Variants in CD40 observed in about 807,000 individuals in gnomAD.
CD40 encodes the protein CD40 molecule.
In CD40, 19 loss-of-function variants were observed where a neutral mutation model predicts 38.5. The observed-to-expected ratio is 0.49, with a 90% CI of 0.34 to 0.72. The LOEUF (loss-of-function observed/expected upper bound fraction) is 0.72. Among genes scored for constraint, CD40 ranks in the 30% least tolerant of loss-of-function variants. The pLI is 0.01. For synonymous variants in CD40, 130 were observed against 128.7 expected (o/e 1.01, Z -0.07); for missense variants, 256 against 344.1 (o/e 0.74, Z 2.03).
chr20:46,128,720 G>A (rs556006162), intron 8 of CD40, 162 bp from the exon 9 acceptor site: 5 of 738,570 alleles, frequency 6.8e-6, no homozygotes, highest in African/African-American at 1.7e-5. Context: ...GTCGCCCTTG[G>A]TGTGGCCAGC....
At chr20:46,120,117 A>T (rs1190024687) in intron 1 of CD40, among the ~76,000 whole-genome samples, 1 of 152,150 alleles carries the variant, frequency 6.6e-6, no homozygotes, top group East Asian at 1.9e-4. Flanking sequence ...CCCAGGTTGA[A>T]TGAGAGCCAC....
intron 6 of CD40, 60 bp from the exon 7 acceptor site, chr20:46,128,078 G>C: frequency 6.2e-7 from 1 of 1,613,996 alleles, no homozygotes; most frequent in South Asian, 1.1e-5. Context: ...AGTCACAGCA[G>C]GTTGAGGGTA....
chr20:46,128,298 CCCA>C, intron 7 of CD40, 29 bp from the exon 8 acceptor site: 1 of 1,588,892 alleles, frequency 6.3e-7, no homozygotes, highest in Non-Finnish European at 8.6e-7. Context: ...TCTCCAACTC[CCCA>C]TCCTTTTTTT....
At position 46,118,330 on chromosome 20, in the gene CD40, G is replaced by A. The variant is rs1414770116; in HGVS notation, c.-14G>A. 1 of 1,613,384 alleles carries A rather than the reference G, an allele frequency of 6.2e-7. No homozygotes were observed. Among genetic ancestry groups the A allele is most frequent in the East Asian group, 2.2e-5 (1 of 44,876 alleles). On this transcript the variant is annotated 5_prime_UTR_variant, in exon 1 of 9. Coordinates refer to ENST00000372285, the MANE Select transcript of CD40 (RefSeq NM_001250.6). ...CGGGCGCCCAGTGGTCCTGCCGCCTGGTCTCACCTCGCTATGGTTCGTCTG... is the reference window on the plus strand; with the variant it reads ...CGGGCGCCCAGTGGTCCTGCCGCCTAGTCTCACCTCGCTATGGTTCGTCTG...
intron 6 of CD40, chr20:46,127,112 T>C (rs992485640): frequency 4.5e-6 from 1 of 223,504 alleles, no homozygotes; most frequent in Admixed American, 5.1e-5. Context: ...TATGCACATG[T>C]ACCCTAAAGC....
intron 6 of CD40, 179 bp from the exon 7 acceptor site, chr20:46,127,959 A>G (rs2085469105): frequency 1.7e-6 from 2 of 1,203,334 alleles, no homozygotes; most frequent in South Asian, 1.5e-5. Context: ...CGTTAAGAAA[A>G]TGTTCTGGCT....
chr20:46,124,375 A>C (rs1034553274), intron 5 of CD40, among the ~76,000 whole-genome samples: 2 of 152,206 alleles, frequency 1.3e-5, no homozygotes, highest in Non-Finnish European at 2.9e-5. Flanking sequence ...ATGGGACAGA[A>C]GGCACAAAAG....
chr20:46,127,425 C>T (rs968216859), intron 6 of CD40: 1 of 156,926 alleles, frequency 6.4e-6, no homozygotes, highest in Non-Finnish European at 1.4e-5. Context: ...ACTCACCTCA[C>T]CCTAATCCTG....
In CD40 at chr20:46,118,393, C is replaced by T; in HGVS notation, c.50C>T (p.Ala17Val). ...GTCCTCTGGGGCTGCTTGCTGACCG[C>T]TGTGAGTTGTTTTTGCCCCGACCAG... ...QCVLWGCLLT[A>V]VHPEPPTACR... is the part of the protein sequence containing the mutation. The change falls in exon 1 of 9, where the codon GCT (alanine) becomes GTT (valine). Residue 17 changes from alanine to valine, a missense_variant and splice_region_variant. Physicochemically the swap from Ala to Val is moderately conservative, Grantham distance 64. Transcript: ENST00000372285. 6.2e-7 allele frequency: 1 copy of T among 1,613,538 alleles called. No homozygotes were observed. The highest frequency in any genetic ancestry group is 1.3e-5 in the African/African-American group (1 of 74,978).
At position 46,121,871 on chromosome 20, in the gene CD40, A is replaced by T. The variant is rs750234130; in HGVS notation, c.103A>T (p.Ser35Cys). 6.2e-7 allele frequency: 1 copy of T among 1,614,160 alleles called. No individual in the cohort carries two copies. The highest frequency in any genetic ancestry group is 8.5e-7 in the Non-Finnish European group (1 of 1,179,986). Reference sequence around the variant, plus strand: ...CAGAGAAAAACAGTACCTAATAAACAGTCAGTGCTGTTCTTTGTGCCAGCC... The same window carrying T: ...CAGAGAAAAACAGTACCTAATAAACTGTCAGTGCTGTTCTTTGTGCCAGCC... ...ACREKQYLIN[S>C]QCCSLCQPGQ... is the part of the protein sequence containing the mutation. Residue 35 changes from serine (S) to cysteine (C), a missense_variant, in exon 2 of 9, where the codon AGT (serine) becomes TGT (cysteine). Physicochemically the swap from Ser to Cys is moderately radical, Grantham distance 112. Coordinates refer to ENST00000372285, the MANE Select transcript of CD40 (RefSeq NM_001250.6).
At chr20:46,126,332 C>G (rs1295379645) in intron 5 of CD40, among the ~76,000 whole-genome samples, 3 of 152,032 alleles carry the variant, frequency 2.0e-5, no homozygotes, top group Non-Finnish European at 4.4e-5. Context: ...TCTGTCTCCT[C>G]TGAACCATTC....
In CD40 at chr20:46,129,347, G is replaced by A. The variant is rs1255743177; in HGVS notation, c.*307G>A. The A allele has an allele frequency of 1.5e-5, 6 of 395,922 alleles. No individual in the cohort carries two copies. Among genetic ancestry groups the A allele is most frequent in the African/African-American group, 2.1e-5 (1 of 48,642 alleles). 24.5% of individuals were successfully genotyped at this position (395,922 alleles called of 1,614,324 possible). On this transcript the variant is annotated 3_prime_UTR_variant, in exon 9 of 9. Transcript: ENST00000372285. Reference sequence around the variant, plus strand: ...TTTAGTAATATCCACCAGACCTTCCGATCCAGCAGTTTGGTGCCCAGAGAG... The same window carrying A: ...TTTAGTAATATCCACCAGACCTTCCAATCCAGCAGTTTGGTGCCCAGAGAG...
chr20:46,122,134 T>G lies in CD40; in HGVS notation c.131-99T>G. 6.8e-7 allele frequency: 1 copy of G among 1,469,616 alleles called. No individual in the cohort carries two copies. The highest frequency in any genetic ancestry group is 2.3e-5 in the East Asian group (1 of 44,204). The allele number at this position is 1,469,616 out of a possible 1,614,324, so 91.0% of individuals were successfully genotyped here. On this transcript the variant is annotated intron_variant, in intron 2 of 8. Transcript: ENST00000372285. This position sits in a 1 kb window ranked among gnomAD's most constrained non-coding sequence, Gnocchi z 5.0. ...TATGAAGGATCCAAGACTTTCATCTTTGAATCCCCTACCCTAAAGCCTGGC... is the reference window on the plus strand; with the variant it reads ...TATGAAGGATCCAAGACTTTCATCTGTGAATCCCCTACCCTAAAGCCTGGC...
chr20:46,118,983 C>G (rs1341095907), intron 1 of CD40, among the ~76,000 whole-genome samples: 1 of 143,996 alleles, frequency 6.9e-6, no homozygotes, highest in South Asian at 2.4e-4. Flanking sequence ...GCCTTTTTCT[C>G]CTGAATTTAA....
chr20:46,129,126 G>T lies in CD40; in HGVS notation c.*86G>T, dbSNP rs1186333103. 6.7e-7 allele frequency: 1 copy of T among 1,493,650 alleles called. No homozygotes were observed. Among genetic ancestry groups the T allele is most frequent in the Non-Finnish European group, 9.3e-7 (1 of 1,077,544 alleles). 92.5% of individuals were successfully genotyped at this position (1,493,650 alleles called of 1,614,324 possible). ...GTGCTGCTGCTGCTGTGGCGTGAGG[G>T]TGAGGGGCTGGCACTGACTGGGCAT... On this transcript the variant is annotated 3_prime_UTR_variant, in exon 9 of 9. Transcript: ENST00000372285.
intron 1 of CD40, among the ~76,000 whole-genome samples, chr20:46,120,459 A>G (rs1022353465): frequency 6.6e-6 from 1 of 152,278 alleles, no homozygotes; most frequent in African/African-American, 2.4e-5. Context: ...ACTGTGGGAC[A>G]GTTTTAAGGA....
rs976707881 is a variant in CD40 at position 46,122,541 on chromosome 20, A to G, written c.257-69A>G. The G allele has an allele frequency of 8.7e-6, 14 of 1,602,996 alleles. No homozygotes were observed. Among genetic ancestry groups the G allele is most frequent in the African/African-American group, 1.3e-5 (1 of 74,664 alleles). Reference sequence around the variant, plus strand: ...GGGTCTGAGGAAGAAAGAGCAGGCAATGTGGGGAGTGAGGCTCAGAGCATG... The same window carrying G: ...GGGTCTGAGGAAGAAAGAGCAGGCAGTGTGGGGAGTGAGGCTCAGAGCATG... On this transcript the variant is annotated intron_variant, in intron 3 of 8. Transcript: ENST00000372285. The surrounding 1 kb of genome is among the most constrained non-coding windows in gnomAD (Gnocchi z 5.0).
At chr20:46,123,842 T>A (rs1220013956) in intron 5 of CD40, among the ~76,000 whole-genome samples, 1 of 152,206 alleles carries the variant, frequency 6.6e-6, no homozygotes, top group African/African-American at 2.4e-5. Context: ...TTTGAGATGC[T>A]TCCTGTCTCT....
rs886056719 is a variant in CD40 at position 46,129,256 on chromosome 20, A to C, written c.*216A>C. 26 of 593,146 alleles carry C rather than the reference A, an allele frequency of 4.4e-5. No homozygotes were observed. The highest frequency in any genetic ancestry group is 7.7e-5 in the Admixed American group (3 of 39,168). 36.7% of individuals were successfully genotyped at this position (593,146 alleles called of 1,614,324 possible). A position where few individuals can be genotyped will look rare whatever the true frequency, so the allele number is the denominator to read the frequency against. ...AACCTCTCACTTCACCCTGGAGCCC[A>C]TCCAGTCTCCCAACTTGTATTAAAG... is the stretch of plus-strand genomic sequence containing the variant. On this transcript the variant is annotated 3_prime_UTR_variant, in exon 9 of 9. Transcript: ENST00000372285.
Sources: gnomAD v4.1 joint callset for allele counts (sites outside exome capture counted in the v4.1 genomes callset) on GRCh38, gnomAD v4.1.1 for gene constraint, Gnocchi (gnomAD v3.1) non-coding constraint, MANE v1.5 for transcripts, NCBI Gene and HGNC (gene_info 2026-07-23, HGNC 2026-07-21) for gene names.